PATJ: variants seen among roughly 807,000 people sequenced by gnomAD.
PATJ encodes the protein inaD-like protein.
In PATJ, 190 loss-of-function variants were observed where a neutral mutation model predicts 224.9. The observed-to-expected ratio is 0.84, with a 90% CI of 0.75 to 0.95. PATJ has a LOEUF of 0.95. Ranked by LOEUF, PATJ falls within the 40% of genes least tolerant of loss-of-function variation. PATJ has a pLI of 0.00. For synonymous variants in PATJ, 769 were observed against 820.3 expected, an observed-to-expected ratio of 0.94 and a Z score of 1.07; for missense variants, 2,121 against 2,270.3, an observed-to-expected ratio of 0.93 and a Z score of 1.34.
At chr1:61,796,658 TTTTCTTTCTTTCTTTC>T (rs202216894) in intron 10 of PATJ, among the ~76,000 whole-genome samples, 62 of 103,706 alleles carry the variant, frequency 6.0e-4, no homozygotes, top group African/African-American at 1.3e-3. Context: ...TCTAAATTTA[TTTTCTTTCTTTCTTTC>T]TTTCTTTCTT....
intron 7 of PATJ, among the ~76,000 whole-genome samples, chr1:61,777,127 G>A (rs1181705626): frequency 6.6e-6 from 1 of 152,178 alleles, no homozygotes; most frequent in East Asian, 1.9e-4. Context: ...ATGTTTTCTT[G>A]AGAATGGATG....
At chr1:61,974,639 A>G (rs2149477344) in intron 27 of PATJ, among the ~76,000 whole-genome samples, 1 of 152,036 alleles carries the variant, frequency 6.6e-6, no homozygotes, top group South Asian at 2.1e-4. Flanking sequence ...TCCAAAAGCA[A>G]AGTGGTACTC....
At chr1:61,797,219 A>G in intron 10 of PATJ, 68 bp from the exon 11 acceptor site, 8 of 1,492,232 alleles carry the variant, frequency 5.4e-6, no homozygotes, top group Non-Finnish European at 7.3e-6. Context: ...CATTTTATTC[A>G]GTGTTGCCAG....
At position 62,086,412 on chromosome 1, in the gene PATJ, C is replaced by T. The variant is rs1253234995; in HGVS notation, c.4377+1764C>T. Among the ~76,000 whole-genome samples the T allele has an allele frequency of 6.6e-6, 1 of 152,132 alleles. No individual in the cohort carries two copies. Among genetic ancestry groups the T allele is most frequent in the Non-Finnish European group, 1.5e-5 (1 of 68,038 alleles). ...CTCCTACCTTTTTGCCCTAGCTCTG[C>T]CCTTCACTACCTAAAACCAGGGCGA... On this transcript the variant is annotated intron_variant, in intron 33 of 43. Coordinates refer to ENST00000642238, the MANE Select transcript of PATJ (RefSeq NM_001350145.3). This position sits in a 1 kb window ranked among gnomAD's most constrained non-coding sequence, Gnocchi z 4.0.
At chr1:62,127,632 C>T (rs1480155489) in intron 39 of PATJ, among the ~76,000 whole-genome samples, 5 of 151,990 alleles carry the variant, frequency 3.3e-5, no homozygotes, top group African/African-American at 1.2e-4. Context: ...ATGGTGAAGC[C>T]CTGTCTCTAC....
At chr1:61,957,853 G>C (rs1303029880) in intron 27 of PATJ, among the ~76,000 whole-genome samples, 2 of 152,152 alleles carry the variant, frequency 1.3e-5, no homozygotes, top group Admixed American at 6.6e-5. Context: ...GTGAGTTCAA[G>C]GTCAGATCTT....
intron 39 of PATJ, among the ~76,000 whole-genome samples, chr1:62,127,579 G>A (rs1665854923): frequency 6.6e-6 from 1 of 152,136 alleles, no homozygotes; most frequent in Non-Finnish European, 1.5e-5. Context: ...GCCAAGGCGG[G>A]TGGATCACCT....
At chr1:61,975,359 C>T (rs549931726) in intron 27 of PATJ, among the ~76,000 whole-genome samples, 1 of 152,182 alleles carries the variant, frequency 6.6e-6, no homozygotes, top group African/African-American at 2.4e-5. Context: ...ACTCTTTATG[C>T]TTTTGATAGT....
intron 7 of PATJ, 55 bp from the exon 8 acceptor site, chr1:61,787,699 A>T: frequency 7.5e-7 from 1 of 1,330,840 alleles, no homozygotes; most frequent in Non-Finnish European, 1.1e-6. Flanking sequence ...AATTGTTATT[A>T]ACCAGTGAAG....
At chr1:62,127,122 A>G (rs984917930) in intron 39 of PATJ, among the ~76,000 whole-genome samples, 14 of 152,190 alleles carry the variant, frequency 9.2e-5, no homozygotes, top group African/African-American at 3.4e-4. Flanking sequence ...GACTATGTGC[A>G]TATTCAGGGA....
chr1:62,115,451 G>A (rs1398425153), intron 35 of PATJ, among the ~76,000 whole-genome samples: 1 of 151,890 alleles, frequency 6.6e-6, no homozygotes, highest in Non-Finnish European at 1.5e-5. Flanking sequence ...TGGCAACATA[G>A]CAAGACTTGT....
chr1:61,809,165 T>G (rs1654184883), intron 14 of PATJ, among the ~76,000 whole-genome samples: 1 of 152,158 alleles, frequency 6.6e-6, no homozygotes, highest in Admixed American at 6.5e-5. Flanking sequence ...TTTCCAACAT[T>G]TTTTAGCATC....
At chr1:62,076,257 G>A (rs767056261) in intron 31 of PATJ, among the ~76,000 whole-genome samples, 4 of 152,070 alleles carry the variant, frequency 2.6e-5, no homozygotes, top group Non-Finnish European at 5.9e-5. Flanking sequence ...AAAAAAACCT[G>A]CCTGGGACCC....
intron 1 of PATJ, among the ~76,000 whole-genome samples, chr1:61,743,052 CG>C (rs887647671): frequency 1.1e-4 from 17 of 152,104 alleles, no homozygotes; most frequent in African/African-American, 4.1e-4. Flanking sequence ...AAGGAGGGAA[CG>C]GGGTGAGGGG....
intron 27 of PATJ, among the ~76,000 whole-genome samples, chr1:61,985,937 A>T (rs945084578): frequency 1.3e-5 from 2 of 152,032 alleles, no homozygotes; most frequent in Non-Finnish European, 2.9e-5. Flanking sequence ...AAATCATGAG[A>T]TTTTGTTTCC....
At chr1:61,761,575 G>T (rs143577672) in intron 1 of PATJ, among the ~76,000 whole-genome samples, 1 of 152,164 alleles carries the variant, frequency 6.6e-6, no homozygotes, top group Non-Finnish European at 1.5e-5. Flanking sequence ...GATGAAGAAG[G>T]AAGAGTTGTG....
chr1:61,899,697 A>T, intron 23 of PATJ, 43 bp downstream of exon 23: 1 of 1,305,746 alleles, frequency 7.7e-7, no homozygotes, highest in Non-Finnish European at 1.1e-6. Context: ...TAGGAGCACA[A>T]CCAGTTGCTC....
chr1:61,938,905 C>G (rs762156204), intron 27 of PATJ, among the ~76,000 whole-genome samples: 1 of 151,012 alleles, frequency 6.6e-6, no homozygotes, highest in South Asian at 2.1e-4. Flanking sequence ...AAGAAAATTA[C>G]AAATTGATTT....
chr1:62,100,798 A>G (rs1323872646), intron 33 of PATJ, among the ~76,000 whole-genome samples: 2 of 152,248 alleles, frequency 1.3e-5, no homozygotes, highest in East Asian at 3.8e-4. Context: ...GAAGGCTTCC[A>G]TCAAGGATGG....
Sources: allele counts gnomAD v4.1 joint callset (sites outside exome capture counted in the v4.1 genomes callset), GRCh38; gene constraint gnomAD v4.1.1; non-coding constraint Gnocchi (gnomAD v3.1); transcripts MANE v1.5; gene names NCBI Gene and HGNC (gene_info 2026-07-23, HGNC 2026-07-21).